The following HDAC7 variants were observed in gnomAD, a reference collection of about 807,000 sequenced individuals.
HDAC7 encodes histone deacetylase 7, also known as histone deacetylase 7A.
Under a neutral mutation model 115.5 loss-of-function variants are expected in HDAC7, and 26 were observed. The observed-to-expected ratio is 0.23, with a 90% CI of 0.16 to 0.31. The LOEUF (loss-of-function observed/expected upper bound fraction) is 0.31, where lower values mean the gene tolerates loss of function less well. HDAC7 is among the 10% of genes least tolerant of loss of function. The pLI is 1.00. For synonymous variants in HDAC7, 564 were observed against 550.9 expected (o/e 1.02, Z -0.33); for missense variants, 1,068 against 1,329.0 (o/e 0.80, Z 3.05).
intron 1 of HDAC7, among the ~76,000 whole-genome samples, chr12:47,805,535 G>T (rs1197822171): frequency 2.0e-5 from 3 of 152,184 alleles, no homozygotes; most frequent in African/African-American, 7.2e-5. Context: ...ACATAGGCTG[G>T]AAAAAGCTTG....
At chr12:47,792,901 T>C (rs1943605020) in intron 13 of HDAC7, 1 of 342,480 alleles carries the variant, frequency 2.9e-6, no homozygotes, top group Non-Finnish European at 5.8e-6. Flanking sequence ...CATCTGTACA[T>C]GTACATATGG....
rs1943941643 is a variant in HDAC7 at position 47,797,855 on chromosome 12, G to GTGTGTGTGTGTGTGTGTGT, written c.461+252_461+253insACACACACACACACACACA. 8.1e-6 allele frequency among the ~76,000 whole-genome samples: 1 copy of GTGTGTGTGTGTGTGTGTGT among 123,876 alleles called. No homozygotes were observed. The highest frequency in any genetic ancestry group is 1.7e-5 in the Non-Finnish European group (1 of 60,002). The allele number at this position is 123,876 out of a possible 152,430, so 81.3% of individuals were successfully genotyped here. On this transcript the variant is annotated intron_variant, in intron 5 of 25. Transcript: ENST00000080059. This position sits in a 1 kb window ranked among gnomAD's most constrained non-coding sequence, Gnocchi z 5.5. The stretch of plus-strand genomic sequence containing the variant: ...TCATGTGCAAGAAAAAAGCCAGTAG[G>GTGTGTGTGTGTGTGTGTGT]GTGTGTGTGTGTGTGTGTGTGTGTG...
intron 1 of HDAC7, among the ~76,000 whole-genome samples, chr12:47,815,817 G>A (rs1944831938): frequency 6.6e-6 from 1 of 151,550 alleles, no homozygotes; most frequent in African/African-American, 2.4e-5. Context: ...TGCCCTGTTA[G>A]CCAGGCTCGT....
intron 1 of HDAC7, among the ~76,000 whole-genome samples, chr12:47,804,423 A>G (rs1399857487): frequency 6.6e-6 from 1 of 151,930 alleles, no homozygotes; most frequent in African/African-American, 2.4e-5. Context: ...CTGAAGCCAG[A>G]GCATGAACAT....
At position 47,797,610 on chromosome 12, in the gene HDAC7, C is replaced by T; in HGVS notation, c.462-111G>A. ...GGAGGCTGCAGCGGGCAGGGCTGGG[C>T]AATGTGGGGCTGGTAGGAATGGGGA... On this transcript the variant is annotated intron_variant, in intron 5 of 25. Coordinates refer to ENST00000080059, the MANE Select transcript of HDAC7 (RefSeq NM_015401.5). The surrounding 1 kb of genome is among the most constrained non-coding windows in gnomAD (Gnocchi z 5.5). The T allele has an allele frequency of 1.4e-6, 1 of 737,134 alleles. No individual in the cohort carries two copies. Among genetic ancestry groups the T allele is most frequent in the East Asian group, 2.7e-5 (1 of 37,550 alleles). The allele number at this position is 737,134 out of a possible 1,614,324, so 45.7% of individuals were successfully genotyped here. A position where few individuals can be genotyped will look rare whatever the true frequency, so the allele number is the denominator to read the frequency against.
rs1377085365 is a variant in HDAC7 at position 47,787,819 on chromosome 12, A to G, written c.2356-10T>C. ...CGCTGCCAGCCCCTACCTGGAAAACAGGAGGCAAGAGAGACATGAGGACAG... is the reference window on the plus strand; with the variant it reads ...CGCTGCCAGCCCCTACCTGGAAAACGGGAGGCAAGAGAGACATGAGGACAG... On this transcript the variant is annotated splice_polypyrimidine_tract_variant and intron_variant, in intron 20 of 25. Transcript: ENST00000080059. 2 of 1,608,362 alleles carry G rather than the reference A, an allele frequency of 1.2e-6. No homozygotes were observed. Among genetic ancestry groups the G allele is most frequent in the African/African-American group, 2.7e-5 (2 of 74,806 alleles).
In HDAC7 at chr12:47,792,906, A is replaced by G. The variant is rs149125192; in HGVS notation, c.1678+463T>C. 1,288 of 323,996 alleles carry G rather than the reference A, an allele frequency of 4.0e-3. 6 individuals are homozygous for G. Among genetic ancestry groups the G allele is most frequent in the Middle Eastern group, 5.8e-3 (5 of 860 alleles). 20.1% of individuals were successfully genotyped at this position (323,996 alleles called of 1,614,324 possible). A position where few individuals can be genotyped will look rare whatever the true frequency, so the allele number is the denominator to read the frequency against. On this transcript the variant is annotated intron_variant, in intron 13 of 25. Coordinates refer to ENST00000080059, the MANE Select transcript of HDAC7 (RefSeq NM_015401.5). ...GTGTTCATGGCATCTGTACATGTACATATGGCCAGAACAAAGCCTGGACTG... is the reference window on the plus strand; with the variant it reads ...GTGTTCATGGCATCTGTACATGTACGTATGGCCAGAACAAAGCCTGGACTG...
intron 16 of HDAC7, 60 bp from the exon 17 acceptor site, chr12:47,789,980 A>G: frequency 7.6e-7 from 1 of 1,323,052 alleles, no homozygotes; most frequent in Non-Finnish European, 1.1e-6. Context: ...GCCAGGGCCC[A>G]AGGGGGTGGT....
chr12:47,793,048 C>CT lies in HDAC7; in HGVS notation c.1678+320dup. The CT allele has an allele frequency of 9.0e-6, 3 of 332,006 alleles. No homozygotes were observed. The highest frequency in any genetic ancestry group is 5.5e-6 in the Non-Finnish European group (1 of 180,924). The allele number at this position is 332,006 out of a possible 1,614,324, so 20.6% of individuals were successfully genotyped here. The stretch of plus-strand genomic sequence containing the variant: ...AAAATGTCTAAAATACTTCTGAGCT[C>CT]TTTTTACAAGCAGAGCAACAGTAAT... On this transcript the variant is annotated intron_variant, in intron 13 of 25. Coordinates refer to ENST00000080059, the MANE Select transcript of HDAC7 (RefSeq NM_015401.5). This position sits in a 1 kb window ranked among gnomAD's most constrained non-coding sequence, Gnocchi z 4.5.
In HDAC7 at chr12:47,786,610, C is replaced by T; in HGVS notation, c.2547G>A (p.Leu849=). 2.5e-6 allele frequency: 4 copies of T among 1,613,762 alleles called. No homozygotes were observed. Among genetic ancestry groups the T allele is most frequent in the Non-Finnish European group, 3.4e-6 (4 of 1,179,752 alleles). ...FDAAEGHPAP[L]GGYHVSAKCF... is the part of the protein sequence containing the mutation. ...ATTTGGCAGAAACATGGTAGCCACC[C>T]AGTGGGGCCGGGTGACCCTCAGCAG... Residue 849 remains leucine (L), a synonymous_variant, in exon 22 of 26, where the codon CTG becomes CTA. Transcript: ENST00000080059.
chr12:47,787,985 A>C, intron 20 of HDAC7, 60 bp downstream of exon 20: 1 of 1,593,166 alleles, frequency 6.3e-7, no homozygotes, highest in Non-Finnish European at 8.6e-7. Flanking sequence ...TGACAGAGGC[A>C]GAGTAAGTGT....
intron 17 of HDAC7, 44 bp from the exon 18 acceptor site, chr12:47,789,622 C>T: frequency 6.2e-7 from 1 of 1,600,502 alleles, no homozygotes; most frequent in Non-Finnish European, 8.6e-7. Context: ...ACAGCTCTGA[C>T]CCACAGCTGC....
chr12:47,802,559 C>T, intron 1 of HDAC7: 4 of 1,271,982 alleles, frequency 3.1e-6, no homozygotes, highest in Non-Finnish European at 4.5e-6. Flanking sequence ...CCTCAGCTCA[C>T]CCAGCAGTGC....
intron 24 of HDAC7, 65 bp downstream of exon 24, chr12:47,785,322 G>A (rs1331176977): frequency 6.4e-6 from 9 of 1,401,218 alleles, no homozygotes; most frequent in South Asian, 2.7e-5. Context: ...TCTGGCCACG[G>A]TGGGGCAGGG....
chr12:47,785,270 G>T, intron 24 of HDAC7, 117 bp downstream of exon 24: 1 of 832,500 alleles, frequency 1.2e-6, no homozygotes. Context: ...TCTTACTCCA[G>T]ACCAACAGCA....
intron 1 of HDAC7, among the ~76,000 whole-genome samples, 164 bp downstream of exon 1, chr12:47,819,603 C>G (rs148637595): frequency 0.19 from 29,047 of 150,710 alleles, 3,655 homozygotes; most frequent in Non-Finnish European, 0.28. Flanking sequence ...CCGGGCGGGA[C>G]AGGCGCGGTC....
rs1199164858 is a variant in HDAC7 at position 47,803,445 on chromosome 12, G to A, written c.20-1171C>T. Among the ~76,000 whole-genome samples the A allele has an allele frequency of 1.3e-5, 2 of 152,188 alleles. No individual in the cohort carries two copies. The highest frequency in any genetic ancestry group is 2.9e-5 in the Non-Finnish European group (2 of 68,034). ...GGAGGGGGCAGCCTGGGCACAGGGAGACTCCCACCGACTGCCCCTCAAACC... is the reference window on the plus strand; with the variant it reads ...GGAGGGGGCAGCCTGGGCACAGGGAAACTCCCACCGACTGCCCCTCAAACC... On this transcript the variant is annotated intron_variant, in intron 1 of 25. Coordinates refer to ENST00000080059, the MANE Select transcript of HDAC7 (RefSeq NM_015401.5). This position sits in a 1 kb window ranked among gnomAD's most constrained non-coding sequence, Gnocchi z 4.0.
In HDAC7 at chr12:47,791,236, C is replaced by G. The variant is rs1475410199; in HGVS notation, c.1983+23G>C. ...AGCTGAGAGCCCTGGCAACGCCCCCCTGAGACCCCTGGGCACACTTACCCC... is the reference window on the plus strand; with the variant it reads ...AGCTGAGAGCCCTGGCAACGCCCCCGTGAGACCCCTGGGCACACTTACCCC... On this transcript the variant is annotated intron_variant, in intron 16 of 25. Coordinates refer to ENST00000080059, the MANE Select transcript of HDAC7 (RefSeq NM_015401.5). 5 of 1,585,346 alleles carry G rather than the reference C, an allele frequency of 3.2e-6. No individual in the cohort carries two copies. In the East Asian group the frequency reaches 7.0e-5, roughly 22 times the overall value.
At position 47,787,685 on chromosome 12, in the gene HDAC7, G is replaced by T. The variant is rs199582523; in HGVS notation, c.2453+27C>A. Reference sequence around the variant, plus strand: ...AGAAGGGACAGGAGAGGGTGGACTTGCCCCTCTGGGCCCCCAGAGCACGTA... The same window carrying T: ...AGAAGGGACAGGAGAGGGTGGACTTTCCCCTCTGGGCCCCCAGAGCACGTA... On this transcript the variant is annotated intron_variant, in intron 21 of 25. Transcript: ENST00000080059. The T allele has an allele frequency of 1.1e-4, 163 of 1,524,900 alleles. 4 individuals carry two copies. In the African/African-American group the frequency reaches 1.9e-3, roughly 18 times the overall value. The allele number at this position is 1,524,900 out of a possible 1,614,324, so 94.5% of individuals were successfully genotyped here.
Sources: allele counts gnomAD v4.1 joint callset (sites outside exome capture counted in the v4.1 genomes callset), GRCh38; gene constraint gnomAD v4.1.1; non-coding constraint Gnocchi (gnomAD v3.1); transcripts MANE v1.5; gene names NCBI Gene and HGNC (gene_info 2026-07-23, HGNC 2026-07-21).